DAB1: variants seen among roughly 807,000 people sequenced by gnomAD.
The protein encoded by DAB1 is DAB adaptor protein 1.
DAB1 carries 15 observed loss-of-function variants against 64.6 expected under a neutral mutation model. That is an observed-to-expected ratio of 0.23 (90% CI 0.16 to 0.36). The LOEUF is 0.36. Ranked by LOEUF, DAB1 falls within the 10% of genes least tolerant of loss-of-function variation. The pLI is 1.00. For missense variants in DAB1, 596 were observed against 706.7 expected (o/e 0.84, Z 1.78); for synonymous variants, 235 against 251.9 (o/e 0.93, Z 0.64).
intron 7 of DAB1, among the ~76,000 whole-genome samples, chr1:57,619,922 C>T (rs948859536): frequency 1.3e-5 from 2 of 152,062 alleles, no homozygotes; most frequent in African/African-American, 2.4e-5. Context: ...CCACCTGAGA[C>T]GCAGAACAGG....
rs535200878 is a variant in DAB1, at chr1:58,128,396, C to T, written n.387+22115G>A. Among the ~76,000 whole-genome samples, 71 of 140,912 alleles carry T rather than the reference C, an allele frequency of 5.0e-4. 2 individuals carry two copies. The highest frequency in any genetic ancestry group is 9.8e-4 in the Admixed American group (14 of 14,350). The allele number at this position is 140,912 out of a possible 152,430, so 92.4% of individuals were successfully genotyped here. On this transcript the variant is annotated intron_variant and non_coding_transcript_variant, in intron 5 of 20. Coordinates refer to the DAB1 transcript ENST00000485760. ...GGGTTTTCTAGATATACAATCATGT[C>T]GTCTGCAAACAGGGACAATTTGACT...
chr1:57,439,463 C>G (rs1391244820), intron 7 of DAB1, among the ~76,000 whole-genome samples: 5 of 103,908 alleles, frequency 4.8e-5, no homozygotes, highest in African/African-American at 2.1e-4. Flanking sequence ...GGAGTCTCCT[C>G]TGTAGCCCAG....
chr1:57,437,673 T>C (rs1489228686), intron 7 of DAB1, among the ~76,000 whole-genome samples: 2 of 152,186 alleles, frequency 1.3e-5, no homozygotes, highest in East Asian at 3.8e-4. Flanking sequence ...TACATACAGA[T>C]ACCCATTCCC....
At chr1:57,954,029 C>T (rs1390517240) in intron 5 of DAB1, among the ~76,000 whole-genome samples, 1 of 152,072 alleles carries the variant, frequency 6.6e-6, no homozygotes, top group Non-Finnish European at 1.5e-5. Context: ...CCTTAGAACC[C>T]CCTTCTGAGT....
At chr1:57,967,536 T>G (rs1032778523) in intron 5 of DAB1, among the ~76,000 whole-genome samples, 15 of 152,202 alleles carry the variant, frequency 9.9e-5, no homozygotes, top group Non-Finnish European at 2.1e-4. Flanking sequence ...AAAGGCTTAC[T>G]AGCACCCAAA....
intron 3 of DAB1, among the ~76,000 whole-genome samples, chr1:58,357,353 C>A (rs1272457908): frequency 6.6e-6 from 1 of 152,106 alleles, no homozygotes; most frequent in East Asian, 1.9e-4. Context: ...TCAAAAATAG[C>A]ATGACCATTT....
At chr1:57,718,868 T>A (rs1647116811) in intron 6 of DAB1, among the ~76,000 whole-genome samples, 1 of 151,604 alleles carries the variant, frequency 6.6e-6, no homozygotes, top group South Asian at 2.1e-4. Context: ...AAGTAGAAAA[T>A]AATTTTAAAA....
chr1:58,327,371 T>C (rs1324713900), intron 4 of DAB1, among the ~76,000 whole-genome samples: 1 of 152,122 alleles, frequency 6.6e-6, no homozygotes, highest in Non-Finnish European at 1.5e-5. Context: ...TGTAATGTTA[T>C]AGAACTGTCA....
chr1:58,424,443 C>T (rs1318557457), intron 3 of DAB1, among the ~76,000 whole-genome samples: 1 of 152,168 alleles, frequency 6.6e-6, no homozygotes, highest in Admixed American at 6.5e-5. Context: ...CATTTTGCAC[C>T]ACCTATTGTG....
At chr1:57,570,936 A>C (rs1014020844) in intron 7 of DAB1, among the ~76,000 whole-genome samples, 6 of 152,130 alleles carry the variant, frequency 3.9e-5, no homozygotes, top group African/African-American at 1.4e-4. Context: ...TATATTCCTA[A>C]GTATTTTATC....
chr1:57,838,538 C>T (rs1181096133), intron 1 of DAB1, among the ~76,000 whole-genome samples: 1 of 151,954 alleles, frequency 6.6e-6, no homozygotes, highest in Non-Finnish European at 1.5e-5. Flanking sequence ...AAAAAAATCC[C>T]TCTTCTGTGT....
intron 6 of DAB1, among the ~76,000 whole-genome samples, chr1:57,760,079 C>T (rs181918632): frequency 4.6e-5 from 7 of 152,262 alleles, no homozygotes; most frequent in African/African-American, 7.2e-5. Flanking sequence ...AGAACTGAAG[C>T]TCTCCATGGA....
chr1:57,852,992 A>T (rs1341629997), intron 1 of DAB1, among the ~76,000 whole-genome samples: 1 of 152,190 alleles, frequency 6.6e-6, no homozygotes, highest in Non-Finnish European at 1.5e-5. Context: ...TGTGATAATT[A>T]ACTGTTGGAG....
chr1:57,657,431 C>G (rs1646332098), intron 6 of DAB1, among the ~76,000 whole-genome samples: 1 of 152,248 alleles, frequency 6.6e-6, no homozygotes, highest in Non-Finnish European at 1.5e-5. Context: ...TGTGAGGATC[C>G]TGAGCTTTCT....
chr1:57,171,146 T>C lies in DAB1; in HGVS notation c.68-25717A>G, dbSNP rs543524171. Among the ~76,000 whole-genome samples the C allele has an allele frequency of 1.8e-3, 271 of 152,344 alleles. 1 individual carries two copies. The highest frequency in any genetic ancestry group is 6.3e-3 in the African/African-American group (263 of 41,582). On this transcript the variant is annotated intron_variant, in intron 2 of 14. Transcript: ENST00000371236. The stretch of plus-strand genomic sequence containing the variant: ...ATAAAGCTGCTGACAGTAGCAATAC[T>C]GGTGCTATTGTCTAGCCAGGTGGAG...
At chr1:58,076,691 C>T (rs1261912201) in intron 5 of DAB1, among the ~76,000 whole-genome samples, 2 of 152,178 alleles carry the variant, frequency 1.3e-5, no homozygotes, top group African/African-American at 2.4e-5. Context: ...TCTACTGCAC[C>T]AGGGTTTTTG....
intron 2 of DAB1, among the ~76,000 whole-genome samples, chr1:58,526,552 A>G (rs1646352167): frequency 6.6e-6 from 1 of 151,638 alleles, no homozygotes; most frequent in Admixed American, 6.6e-5. Flanking sequence ...GACAGGAACA[A>G]AGTCAACTTA....
At chr1:57,458,918 A>G (rs1558400295) in intron 7 of DAB1, among the ~76,000 whole-genome samples, 1 of 152,096 alleles carries the variant, frequency 6.6e-6, no homozygotes, top group East Asian at 1.9e-4. Flanking sequence ...TGGAATTTGA[A>G]TGATTTTCTT....
At chr1:57,698,064 C>CT (rs2101726216) in intron 6 of DAB1, among the ~76,000 whole-genome samples, 1 of 151,626 alleles carries the variant, frequency 6.6e-6, no homozygotes, top group Admixed American at 6.6e-5. Flanking sequence ...TCTGTTACTC[C>CT]TTTTTCTGCC....
Sources: allele counts gnomAD v4.1 joint callset (sites outside exome capture counted in the v4.1 genomes callset), GRCh38; gene constraint gnomAD v4.1.1; transcripts MANE v1.5; gene names NCBI Gene and HGNC (gene_info 2026-07-23, HGNC 2026-07-21).